Variants in SNX6 observed in about 807,000 individuals in gnomAD.
SNX6 encodes the protein sorting nexin-6.
SNX6 carries 34 observed loss-of-function variants against 63.0 expected under a neutral mutation model. The observed-to-expected ratio is 0.54, with a 90% CI of 0.41 to 0.72. The LOEUF is 0.72. Ranked by LOEUF, SNX6 falls within the 30% of genes least tolerant of loss-of-function variation. The probability of loss-of-function intolerance (pLI) is 0.00; values close to 1 mark genes in which losing one functional copy is unlikely to be tolerated. For synonymous variants in SNX6, 170 were observed against 164.2 expected (o/e 1.04, Z -0.27); for missense variants, 398 against 471.4 (o/e 0.84, Z 1.44).
chr14:34,595,110 A>G (rs779790055), intron 7 of SNX6, among the ~76,000 whole-genome samples: 1 of 150,838 alleles, frequency 6.6e-6, no homozygotes, highest in East Asian at 1.9e-4. Context: ...AAAATAAAAT[A>G]AAAAATAAAT....
At chr14:34,623,754 T>C (rs1179876312) in intron 2 of SNX6, among the ~76,000 whole-genome samples, 1 of 152,162 alleles carries the variant, frequency 6.6e-6, no homozygotes, top group Non-Finnish European at 1.5e-5. Flanking sequence ...TTAATGAAGA[T>C]AAGGAATACA....
At chr14:34,625,875 A>C (rs1265632307) in intron 2 of SNX6, among the ~76,000 whole-genome samples, 1 of 152,126 alleles carries the variant, frequency 6.6e-6, no homozygotes, top group African/African-American at 2.4e-5. Context: ...GACACCCAGA[A>C]ACTTTCATTT....
intron 9 of SNX6, among the ~76,000 whole-genome samples, chr14:34,583,429 A>ATTTTTT (rs777842190): frequency 2.7e-5 from 2 of 73,756 alleles, no homozygotes; most frequent in East Asian, 4.8e-4. Flanking sequence ...TTGGTTATTC[A>ATTTTTT]TTTTTTTCTT....
At chr14:34,624,022 G>T (rs931594038) in intron 2 of SNX6, among the ~76,000 whole-genome samples, 20 of 152,310 alleles carry the variant, frequency 1.3e-4, no homozygotes, top group Middle Eastern at 3.4e-3. Flanking sequence ...TAGAGGTAGG[G>T]CTAAAGAGAT....
intron 9 of SNX6, among the ~76,000 whole-genome samples, chr14:34,583,869 C>T (rs1243182803): frequency 6.6e-5 from 7 of 106,696 alleles, no homozygotes; most frequent in Non-Finnish European, 1.4e-4. Context: ...TTTTTTAAGA[C>T]GGAGTTTCTC....
chr14:34,623,835 T>G (rs1411451051), intron 2 of SNX6, among the ~76,000 whole-genome samples: 1 of 152,144 alleles, frequency 6.6e-6, no homozygotes, highest in African/African-American at 2.4e-5. Flanking sequence ...TTGAAAACAA[T>G]AAACATATTA....
intron 9 of SNX6, 25 bp from the exon 10 acceptor site, chr14:34,581,625 T>A: frequency 7.2e-7 from 1 of 1,381,098 alleles, no homozygotes; most frequent in Non-Finnish European, 1.0e-6. Context: ...ATTTTCATCA[T>A]ATTCTACATT....
rs1021726546 is a variant in SNX6 at position 34,598,990 on chromosome 14, T to C, written c.517-1345A>G. ...CTTATAAAAGAGGCTGAGGGAATGT[T>C]ACCCTCTTGCCCCTTCCTTCTGCTA... On this transcript the variant is annotated intron_variant, in intron 6 of 13. Transcript: ENST00000362031. 3.3e-5 allele frequency among the ~76,000 whole-genome samples: 5 copies of C among 152,154 alleles called. 1 individual carries two copies.
intron 11 of SNX6, among the ~76,000 whole-genome samples, chr14:34,570,642 T>G (rs1881404368): frequency 6.6e-6 from 1 of 151,600 alleles, no homozygotes; most frequent in Non-Finnish European, 1.5e-5. Context: ...AGGCTGGTCT[T>G]GAACTCTCAA....
At chr14:34,584,014 A>C (rs1882051689) in intron 9 of SNX6, among the ~76,000 whole-genome samples, 2 of 151,502 alleles carry the variant, frequency 1.3e-5, no homozygotes, top group South Asian at 4.2e-4. Context: ...CGCCAGGCTA[A>C]TTTTGTGTTT....
At chr14:34,590,607 C>T (rs1882354134) in intron 8 of SNX6, among the ~76,000 whole-genome samples, 1 of 151,962 alleles carries the variant, frequency 6.6e-6, no homozygotes, top group African/African-American at 2.4e-5. Context: ...ACTGACTATC[C>T]TTGTTGGCAA....
chr14:34,563,020 TTTTG>T lies in SNX6; in HGVS notation c.*98_*101del. The T allele has an allele frequency of 3.3e-6, 4 of 1,217,460 alleles. No individual in the cohort carries two copies. Among genetic ancestry groups the T allele is most frequent in the Non-Finnish European group, 4.8e-6 (4 of 840,130 alleles). 75.4% of individuals were successfully genotyped at this position (1,217,460 alleles called of 1,614,324 possible). ...GAGTTGATGCACTTTTTCAGCTGCTTTTTGTTTGTTTCCAGTGAGCATAAATGCT... is the reference window on the plus strand; with the variant it reads ...GAGTTGATGCACTTTTTCAGCTGCTTTTTGTTTCCAGTGAGCATAAATGCT... On this transcript the variant is annotated 3_prime_UTR_variant, in exon 14 of 14. Transcript: ENST00000362031.
At chr14:34,569,355 T>A (rs1242690090) in intron 11 of SNX6, among the ~76,000 whole-genome samples, 1 of 152,130 alleles carries the variant, frequency 6.6e-6, no homozygotes, top group African/African-American at 2.4e-5. Flanking sequence ...CATTTCCCCA[T>A]GTGTGCCCAT....
Position 34,562,201 on chromosome 14 carries a change from G to A in SNX6, c.*921C>T, listed in dbSNP as rs553868791. On this transcript the variant is annotated 3_prime_UTR_variant, in exon 14 of 14. Transcript: ENST00000362031. ...TCATGCTTAATTGGCTGAGCTAGGC[G>A]CGGAATCCGGGAAACCACAACAGAC... The A allele has an allele frequency of 3.3e-5, 5 of 151,928 alleles. No individual in the cohort carries two copies. Among genetic ancestry groups the A allele is most frequent in the African/African-American group, 4.8e-5 (2 of 41,284 alleles). 9.4% of individuals were successfully genotyped at this position (151,928 alleles called of 1,614,324 possible).
chr14:34,579,320 G>A (rs142411739), intron 10 of SNX6, among the ~76,000 whole-genome samples: 25 of 152,034 alleles, frequency 1.6e-4, no homozygotes, highest in African/African-American at 5.5e-4. Flanking sequence ...ATACTATACC[G>A]CAAGAAGAAT....
intron 10 of SNX6, among the ~76,000 whole-genome samples, chr14:34,576,072 C>T (rs1254948947): frequency 3.3e-5 from 5 of 151,624 alleles, no homozygotes; most frequent in East Asian, 1.9e-4. Context: ...TACAGGCGCC[C>T]GCCACCACGC....
intron 10 of SNX6, among the ~76,000 whole-genome samples, chr14:34,577,030 A>C (rs1340558294): frequency 6.6e-6 from 1 of 151,982 alleles, no homozygotes; most frequent in African/African-American, 2.4e-5. Context: ...AGCCTGGGTG[A>C]CAGAGCGAGA....
At chr14:34,585,210 C>T (rs1304685964) in intron 9 of SNX6, among the ~76,000 whole-genome samples, 3 of 151,940 alleles carry the variant, frequency 2.0e-5, no homozygotes, top group Non-Finnish European at 4.4e-5. Context: ...AAAAATATTC[C>T]AAAAGTTTTG....
At chr14:34,577,947 T>C (rs1290333508) in intron 10 of SNX6, among the ~76,000 whole-genome samples, 1 of 152,222 alleles carries the variant, frequency 6.6e-6, no homozygotes, top group Non-Finnish European at 1.5e-5. Context: ...CTCACATCTG[T>C]AATCCCAGCA....
Sources: allele counts gnomAD v4.1 joint callset (sites outside exome capture counted in the v4.1 genomes callset), GRCh38; gene constraint gnomAD v4.1.1; transcripts MANE v1.5; gene names NCBI Gene and HGNC (gene_info 2026-07-23, HGNC 2026-07-21).